MTFR1: variants seen among roughly 807,000 people sequenced by gnomAD.
MTFR1 encodes chondrocyte protein with a poly-proline region.
MTFR1 carries 28 observed loss-of-function variants against 38.8 expected under a neutral mutation model. The observed-to-expected ratio is 0.72, with a 90% CI of 0.53 to 0.99. The LOEUF (loss-of-function observed/expected upper bound fraction) is 0.99. MTFR1 is among the 50% of genes least tolerant of loss of function. The pLI is 0.00. For synonymous variants in MTFR1, 145 were observed against 137.0 expected (o/e 1.06, Z -0.41); for missense variants, 358 against 395.5 (o/e 0.91, Z 0.81).
rs758352612 is a variant in MTFR1 at position 65,704,712 on chromosome 8, G to C, written c.300G>C (p.Arg100Ser). The change falls in exon 5 of 8, where the codon AGG (arginine) becomes AGC (serine). Residue 100 changes from arginine (R) to serine (S), a missense_variant. By Grantham distance (110) the Arg-to-Ser change is moderately radical (BLOSUM62 -1). Transcript: ENST00000262146. ...CTTGCAGGACAGAGGTCAGATCAAG[G>C]CCACCCCTTCAGGATGACCTTCTTT... Reference protein sequence around the residue: ...SARLRTEVRSRPPLQDDLLFF... With the variant: ...SARLRTEVRSSPPLQDDLLFF... The C allele has an allele frequency of 1.2e-6, 2 of 1,614,088 alleles. No homozygotes were observed. Among genetic ancestry groups the C allele is most frequent in the South Asian group, 1.1e-5 (1 of 91,070 alleles).
chr8:65,689,492 G>T, intron 3 of MTFR1: 1 of 854,606 alleles, frequency 1.2e-6, no homozygotes, highest in Non-Finnish European at 1.6e-6. Flanking sequence ...TTGAATTTTT[G>T]CTCTGAATGA....
At chr8:65,728,216 C>A (rs1032209286) in intron 3 of MTFR1, 4 of 152,088 alleles carry the variant, frequency 2.6e-5, no homozygotes. Context: ...TGAGCATACA[C>A]CACTTATATT....
At chr8:65,649,740 C>A (rs1045885691) in intron 1 of MTFR1, among the ~76,000 whole-genome samples, 1 of 152,058 alleles carries the variant, frequency 6.6e-6, no homozygotes, top group Non-Finnish European at 1.5e-5. Context: ...AGGTCTTATT[C>A]ATTCTAACTG....
chr8:65,724,158 C>A, intron 3 of MTFR1: 1 of 711,002 alleles, frequency 1.4e-6, no homozygotes, highest in Non-Finnish European at 2.5e-6. Context: ...CAAGACTCTA[C>A]TGCTAGACCC....
intron 1 of MTFR1, among the ~76,000 whole-genome samples, chr8:65,648,104 C>T (rs912223618): frequency 3.9e-5 from 6 of 152,146 alleles, no homozygotes; most frequent in South Asian, 4.1e-4. Context: ...CTCTGCCTCC[C>T]GGGTTCACGC....
chr8:65,771,902 A>G (rs1007733181), downstream of MTFR1, among the ~76,000 whole-genome samples: 16 of 151,262 alleles, frequency 1.1e-4, no homozygotes, highest in African/African-American at 3.6e-4. Flanking sequence ...AAAAAAAAAA[A>G]AAAAAGAAGA....
At chr8:65,685,160 A>AT (rs944550150) in intron 3 of MTFR1, among the ~76,000 whole-genome samples, 16 of 152,286 alleles carry the variant, frequency 1.1e-4, no homozygotes, top group South Asian at 8.3e-4. Context: ...TTGAAAATGC[A>AT]TTTTTTTCCC....
intron 1 of MTFR1, among the ~76,000 whole-genome samples, chr8:65,668,050 A>G (rs2129050707): frequency 6.6e-6 from 1 of 152,270 alleles, no homozygotes; most frequent in East Asian, 1.9e-4. Context: ...AGCTCTTCTC[A>G]CAACGTAGAC....
intron 1 of MTFR1, among the ~76,000 whole-genome samples, chr8:65,650,498 G>C (rs924849046): frequency 1.2e-4 from 19 of 152,206 alleles, no homozygotes; most frequent in Middle Eastern, 3.4e-3. Context: ...TTATCTGCAT[G>C]AGTTAAGTTG....
intron 4 of MTFR1, 135 bp from the exon 5 acceptor site, chr8:65,704,559 T>A: frequency 1.5e-6 from 1 of 666,802 alleles, no homozygotes; most frequent in Non-Finnish European, 2.6e-6. Flanking sequence ...TTTTTGTCCT[T>A]ACACGAAGGG....
intron 3 of MTFR1, among the ~76,000 whole-genome samples, chr8:65,733,458 T>C (rs896576579): frequency 6.6e-6 from 1 of 152,160 alleles, no homozygotes; most frequent in Admixed American, 6.6e-5. Context: ...TTTTTTGAAG[T>C]TTAATTTAAA....
intron 3 of MTFR1, among the ~76,000 whole-genome samples, chr8:65,770,396 G>C (rs1033469813): frequency 1.3e-5 from 2 of 152,198 alleles, no homozygotes; most frequent in African/African-American, 2.4e-5. Flanking sequence ...GGGTGAATGA[G>C]AGCCAAGCAA....
At chr8:65,759,396 G>A (rs1003539980) in intron 3 of MTFR1, among the ~76,000 whole-genome samples, 4 of 152,186 alleles carry the variant, frequency 2.6e-5, no homozygotes, top group East Asian at 1.9e-4. Flanking sequence ...CCAGAATGAC[G>A]AGAACACCAA....
intron 2 of MTFR1, among the ~76,000 whole-genome samples, chr8:65,678,964 A>G (rs1256159967): frequency 1.3e-5 from 2 of 152,174 alleles, no homozygotes; most frequent in African/African-American, 4.8e-5. Context: ...TATTAAACAG[A>G]TGGAAACATA....
intron 2 of MTFR1, among the ~76,000 whole-genome samples, chr8:65,681,320 A>G (rs1804881039): frequency 6.6e-6 from 1 of 152,002 alleles, no homozygotes. Flanking sequence ...GGGTTTTGCC[A>G]TGTTGGCCAG....
intron 2 of MTFR1, among the ~76,000 whole-genome samples, chr8:65,716,948 G>A (rs1301849059): frequency 6.6e-6 from 1 of 152,188 alleles, no homozygotes; most frequent in Non-Finnish European, 1.5e-5. Flanking sequence ...GATATTGGGT[G>A]CCTGAGATAT....
chr8:65,727,738 T>A (rs1231159255), intron 3 of MTFR1: 1 of 155,414 alleles, frequency 6.4e-6, no homozygotes, highest in Non-Finnish European at 1.4e-5. Context: ...ATTTCAATAA[T>A]GTAATCTAAG....
Position 65,707,895 on chromosome 8 carries a change from C to T in MTFR1, c.817C>T (p.Leu273Phe), listed in dbSNP as rs1446972809. ...KPVDATDPAA[L>F]IAEALKKKFA... ...AGTGGATGCTACTGACCCTGCTGCC[C>T]TCATAGCAGAGGCTCTGAAAAAGAA... The change falls in exon 7 of 8, where the codon CTC becomes TTC. Residue 273 changes from leucine (L) to phenylalanine (F), a missense_variant. Transcript: ENST00000262146. The T allele has an allele frequency of 4.3e-6, 7 of 1,614,032 alleles. No individual in the cohort carries two copies. The highest frequency in any genetic ancestry group is 5.9e-6 in the Non-Finnish European group (7 of 1,180,008).
At chr8:65,707,811 C>G in intron 6 of MTFR1, 32 bp from the exon 7 acceptor site, 1 of 1,606,400 alleles carries the variant, frequency 6.2e-7, no homozygotes. Context: ...GTGTATTGAT[C>G]TGTCCCCTTG....
Sources: allele counts gnomAD v4.1 joint callset (sites outside exome capture counted in the v4.1 genomes callset), GRCh38; gene constraint gnomAD v4.1.1; transcripts MANE v1.5; gene names NCBI Gene and HGNC (gene_info 2026-07-23, HGNC 2026-07-21).